The following AVEN variants were observed in gnomAD, a reference collection of about 807,000 sequenced individuals.
AVEN encodes the protein apoptosis and caspase activation inhibitor, also known as cell death regulator Aven.
A neutral mutation model predicts 38.1 loss-of-function variants in AVEN; 41 were observed. The ratio of observed to expected loss-of-function variants is 1.08; its 90% CI spans 0.84 to 1.40. The LOEUF is 1.40. Ranked by LOEUF, AVEN falls within the 40% of genes most tolerant of loss-of-function variation. The probability of loss-of-function intolerance (pLI) is 0.00; values close to 1 mark genes in which losing one functional copy is unlikely to be tolerated. For missense variants in AVEN, 605 were observed against 438.8 expected (o/e 1.38, Z -3.38); for synonymous variants, 206 against 171.8 (o/e 1.20, Z -1.56).
At chr15:33,993,311 A>G (rs1010913500) in intron 2 of AVEN, among the ~76,000 whole-genome samples, 7 of 152,242 alleles carry the variant, frequency 4.6e-5, no homozygotes, top group African/African-American at 1.7e-4. Flanking sequence ...TATCTCTTTC[A>G]GAGACTAACA....
chr15:34,062,337 C>T (rs914370814), intron 5 of AVEN, among the ~76,000 whole-genome samples: 7 of 152,052 alleles, frequency 4.6e-5, no homozygotes, highest in Admixed American at 3.3e-4. Context: ...GGGTGGATCA[C>T]GAAGTCAGGA....
At chr15:34,039,956 A>G (rs1899395654), upstream of AVEN, among the ~76,000 whole-genome samples, 1 of 152,246 alleles carries the variant, frequency 6.6e-6, no homozygotes, top group South Asian at 2.1e-4. Context: ...TTGGTTACAC[A>G]GATGCATGAA....
downstream of AVEN, chr15:33,865,100 A>T: frequency 6.4e-7 from 1 of 1,558,140 alleles, no homozygotes; most frequent in East Asian, 2.2e-5. Context: ...TGTGGTTTAA[A>T]AATAAGCACC....
At position 33,868,163 on chromosome 15, in the gene AVEN, G is replaced by A. The variant is rs189752754; in HGVS notation, c.613-308C>T. Among the ~76,000 whole-genome samples, 577 of 152,294 alleles carry A rather than the reference G, an allele frequency of 3.8e-3. 1 individual carries two copies. The highest frequency in any genetic ancestry group is 0.01 in the Middle Eastern group (3 of 294). ...TCTTCCTAGCCCTGGCCTGAAAACT[G>A]CCAGTACCATAGGTCTATTTGGCTT... On this transcript the variant is annotated intron_variant, in intron 4 of 5. Coordinates refer to ENST00000306730, the MANE Select transcript of AVEN (RefSeq NM_020371.3).
At chr15:33,883,144 A>C (rs1891560863) in intron 2 of AVEN, among the ~76,000 whole-genome samples, 1 of 152,166 alleles carries the variant, frequency 6.6e-6, no homozygotes, top group Non-Finnish European at 1.5e-5. Flanking sequence ...CTTTACCATC[A>C]TCAGTACTCT....
At chr15:33,933,638 T>C (rs1893958919) in intron 2 of AVEN, among the ~76,000 whole-genome samples, 1 of 148,918 alleles carries the variant, frequency 6.7e-6, no homozygotes, top group Admixed American at 6.7e-5. Flanking sequence ...CCACGCACCA[T>C]GCTAGGGCCT....
chr15:33,903,857 C>T (rs1464940087), intron 2 of AVEN, among the ~76,000 whole-genome samples: 1 of 152,052 alleles, frequency 6.6e-6, no homozygotes, highest in Non-Finnish European at 1.5e-5. Context: ...AGAGAATGTA[C>T]TAACAAACCG....
intron 2 of AVEN, among the ~76,000 whole-genome samples, chr15:33,937,514 C>A (rs1438578709): frequency 6.8e-6 from 1 of 147,884 alleles, no homozygotes; most frequent in African/African-American, 2.5e-5. Flanking sequence ...GCCTGGGCGA[C>A]AGAGCGAGAC....
At chr15:34,070,394 G>A (rs1380336994) in intron 2 of AVEN, among the ~76,000 whole-genome samples, 3 of 147,562 alleles carry the variant, frequency 2.0e-5, no homozygotes, top group Non-Finnish European at 4.5e-5. Context: ...TTTTTAAATC[G>A]AACTCTTTTA....
At chr15:34,025,772 T>G (rs1449997082) in intron 1 of AVEN, among the ~76,000 whole-genome samples, 11 of 151,850 alleles carry the variant, frequency 7.2e-5, no homozygotes, top group African/African-American at 2.7e-4. Context: ...GTGTGTGTGT[T>G]TGTGTGTGTG....
At chr15:34,047,299 G>A (rs1346649844) in intron 5 of AVEN, among the ~76,000 whole-genome samples, 1 of 152,122 alleles carries the variant, frequency 6.6e-6, no homozygotes, top group African/African-American at 2.4e-5. Context: ...GAATGGTCTG[G>A]ATCTCCTGAC....
intron 2 of AVEN, among the ~76,000 whole-genome samples, chr15:33,957,363 T>G (rs1388538739): frequency 6.6e-6 from 1 of 152,198 alleles, no homozygotes; most frequent in Admixed American, 6.5e-5. Context: ...ATGTCTAGGA[T>G]CTTCACTAGA....
chr15:33,912,418 TC>T (rs1892951036), intron 2 of AVEN, among the ~76,000 whole-genome samples: 1 of 152,214 alleles, frequency 6.6e-6, no homozygotes, highest in Admixed American at 6.5e-5. Context: ...TGAAATAACC[TC>T]AACTATGTAA....
At chr15:33,942,066 C>T (rs544137451) in intron 2 of AVEN, among the ~76,000 whole-genome samples, 20 of 152,102 alleles carry the variant, frequency 1.3e-4, no homozygotes, top group African/African-American at 2.9e-4. Flanking sequence ...TGACACAAAT[C>T]GTTACAGCAC....
intron 1 of AVEN, among the ~76,000 whole-genome samples, chr15:34,032,015 G>A (rs957261633): frequency 6.4e-5 from 7 of 109,440 alleles, no homozygotes; most frequent in South Asian, 3.8e-4. Context: ...ACACATACGC[G>A]CGCACACGCA....
At position 34,038,876 on chromosome 15, in the gene AVEN, C is replaced by T. The variant is rs1567483217; in HGVS notation, c.171G>A (p.Arg57=). Residue 57 remains arginine (R), a synonymous_variant, in exon 1 of 6, where the codon CGG becomes CGA. Transcript: ENST00000306730. ...GGCCTCCGCGAGCGCCGCGGAAGCC[C>T]CGGCCACGGCCACGGCCCCGGCGTC... ...GGGRRGRGRG[R]GFRGARGGRG... 5 of 1,145,332 alleles carry T rather than the reference C, an allele frequency of 4.4e-6. No homozygotes were observed. Among genetic ancestry groups the T allele is most frequent in the Non-Finnish European group, 4.3e-6 (4 of 936,766 alleles). 70.9% of individuals were successfully genotyped at this position (1,145,332 alleles called of 1,614,324 possible).
rs183071578 is a variant in AVEN, at chr15:33,867,332, G to C, written c.973+163C>G. ...GAGAGGAAGGTTGTCAGAAAGGTCAGCTCAGGGGGAAGCAGAGACGTGAGC... is the reference window on the plus strand; with the variant it reads ...GAGAGGAAGGTTGTCAGAAAGGTCACCTCAGGGGGAAGCAGAGACGTGAGC... On this transcript the variant is annotated intron_variant, in intron 5 of 5. Coordinates refer to ENST00000306730, the MANE Select transcript of AVEN (RefSeq NM_020371.3). Among the ~76,000 whole-genome samples the C allele has an allele frequency of 3.3e-5, 5 of 151,544 alleles. No individual in the cohort carries two copies. The East Asian group carries it at 9.6e-4, about 29-fold the overall frequency.
chr15:33,964,584 T>C (rs955910378), intron 2 of AVEN, among the ~76,000 whole-genome samples: 1 of 152,128 alleles, frequency 6.6e-6, no homozygotes, highest in African/African-American at 2.4e-5. Flanking sequence ...ATCAACTGTA[T>C]TGCAAAGTAC....
Position 34,031,690 on chromosome 15 carries a change from G to A in AVEN, c.267+7090C>T, listed in dbSNP as rs75648611. ...CACACACCAATGATGTGATATGGGC[G>A]GTAGGAAACAGCATCCTTGGCAGTG... On this transcript the variant is annotated intron_variant, in intron 1 of 5. Transcript: ENST00000306730. Among the ~76,000 whole-genome samples the A allele has an allele frequency of 7.5e-3, 1,134 of 152,178 alleles. 12 individuals are homozygous for A. Among genetic ancestry groups the A allele is most frequent in the African/African-American group, 0.026 (1,083 of 41,496 alleles).
Sources: gnomAD v4.1 joint callset for allele counts (sites outside exome capture counted in the v4.1 genomes callset) on GRCh38, gnomAD v4.1.1 for gene constraint, MANE v1.5 for transcripts, NCBI Gene and HGNC (gene_info 2026-07-23, HGNC 2026-07-21) for gene names.